AGBL4: variants seen among roughly 807,000 people sequenced by gnomAD.
AGBL4 encodes cytosolic carboxypeptidase 6.
AGBL4 carries 58 observed loss-of-function variants against 66.4 expected under a neutral mutation model. The ratio of observed to expected loss-of-function variants is 0.87; its 90% CI spans 0.71 to 1.09. The LOEUF is 1.09. Among genes scored for constraint, AGBL4 ranks in the 50% least tolerant of loss-of-function variants. The probability of loss-of-function intolerance (pLI) is 0.00; values close to 1 mark genes in which losing one functional copy is unlikely to be tolerated. For synonymous variants in AGBL4, 234 were observed against 222.9 expected, an observed-to-expected ratio of 1.05 and a Z score of -0.44; for missense variants, 579 against 631.0, an observed-to-expected ratio of 0.92 and a Z score of 0.88.
intron 3 of AGBL4, among the ~76,000 whole-genome samples, chr1:49,335,514 T>C (rs1196998418): frequency 6.7e-6 from 1 of 149,002 alleles, no homozygotes; most frequent in Non-Finnish European, 1.5e-5. Flanking sequence ...AAATCTGAAC[T>C]TTTTTTTTTC....
chr1:49,318,563 T>C (rs1444128156), intron 3 of AGBL4, among the ~76,000 whole-genome samples: 2 of 152,070 alleles, frequency 1.3e-5, no homozygotes, highest in Non-Finnish European at 2.9e-5. Flanking sequence ...TTTAGAGAAT[T>C]CCTTTAAAAG....
chr1:48,880,541 C>T (rs1440434622), intron 5 of AGBL4, among the ~76,000 whole-genome samples: 1 of 152,170 alleles, frequency 6.6e-6, no homozygotes, highest in Non-Finnish European at 1.5e-5. Context: ...GGAATGTCCA[C>T]ACTGTTTTCC....
intron 3 of AGBL4, among the ~76,000 whole-genome samples, chr1:49,284,258 T>C (rs1206016423): frequency 1.3e-5 from 2 of 152,168 alleles, no homozygotes; most frequent in East Asian, 1.9e-4. Context: ...CAGAATTTCA[T>C]ATCCAGCCAA....
At chr1:49,301,265 T>C (rs1644740193) in intron 3 of AGBL4, among the ~76,000 whole-genome samples, 1 of 152,180 alleles carries the variant, frequency 6.6e-6, no homozygotes, top group Non-Finnish European at 1.5e-5. Flanking sequence ...GGCAGTTAGT[T>C]CTTCAATGCA....
chr1:48,736,509 C>T lies in AGBL4; in HGVS notation c.635-73268G>A. 1.4e-6 allele frequency: 2 copies of T among 1,445,954 alleles called. No individual in the cohort carries two copies. The highest frequency in any genetic ancestry group is 1.9e-6 in the Non-Finnish European group (2 of 1,034,214). The allele number at this position is 1,445,954 out of a possible 1,614,324, so 89.6% of individuals were successfully genotyped here. ...AGTCCGACAGGAGGGCAGTGGGAGG[C>T]TTCTCTTGTCCTTTAAAAAGCATTG... On this transcript the variant is annotated intron_variant, in intron 6 of 13. Coordinates refer to ENST00000371839, the MANE Select transcript of AGBL4 (RefSeq NM_032785.4). The surrounding 1 kb of genome is among the most constrained non-coding windows in gnomAD (Gnocchi z 4.0).
intron 1 of AGBL4, among the ~76,000 whole-genome samples, chr1:49,918,104 T>C (rs761703836): frequency 2.6e-5 from 4 of 152,200 alleles, no homozygotes; most frequent in Non-Finnish European, 2.9e-5. Flanking sequence ...GGGTAATTTA[T>C]AGCACGAAAT....
chr1:49,823,600 G>T (rs1162105496), intron 2 of AGBL4, among the ~76,000 whole-genome samples: 1 of 152,136 alleles, frequency 6.6e-6, no homozygotes, highest in East Asian at 1.9e-4. Flanking sequence ...GTCCCAAGCT[G>T]CTGAAGACAA....
intron 2 of AGBL4, among the ~76,000 whole-genome samples, chr1:49,802,436 C>A (rs539852416): frequency 1.0e-3 from 159 of 152,278 alleles, no homozygotes; most frequent in Non-Finnish European, 2.0e-3. Flanking sequence ...GCTTTTGCTG[C>A]AACTGTTACT....
intron 4 of AGBL4, among the ~76,000 whole-genome samples, chr1:49,171,064 T>C (rs1203754297): frequency 6.6e-6 from 1 of 152,102 alleles, no homozygotes; most frequent in Non-Finnish European, 1.5e-5. Context: ...GCCTGGGAAA[T>C]AGATTCCACA....
At chr1:49,453,194 A>G (rs1646316947) in intron 3 of AGBL4, among the ~76,000 whole-genome samples, 2 of 151,954 alleles carry the variant, frequency 1.3e-5, no homozygotes, top group Admixed American at 6.6e-5. Context: ...TAACCATACA[A>G]TGTCACCATT....
Position 49,938,811 on chromosome 1 carries a change from ACT to A in AGBL4, c.34+84950_34+84951del, listed in dbSNP as rs563902806. On this transcript the variant is annotated intron_variant, in intron 1 of 13. Coordinates refer to ENST00000371839, the MANE Select transcript of AGBL4 (RefSeq NM_032785.4). ...AATTCAACAACGCTTCGTGCTAAAA[ACT>A]CTCAATAAATTCAACATAGTGTTGG... Among the ~76,000 whole-genome samples the A allele has an allele frequency of 2.9e-3, 434 of 152,156 alleles. 2 individuals are homozygous for A. The highest frequency in any genetic ancestry group is 0.01 in the Middle Eastern group (3 of 294).
chr1:49,464,527 A>T (rs1195981958), intron 3 of AGBL4, among the ~76,000 whole-genome samples: 1 of 151,766 alleles, frequency 6.6e-6, no homozygotes. Context: ...AACAAAACCA[A>T]GCCCAAAATG....
chr1:48,855,515 T>G (rs901189508), intron 6 of AGBL4, among the ~76,000 whole-genome samples: 4 of 152,204 alleles, frequency 2.6e-5, no homozygotes, highest in Non-Finnish European at 5.9e-5. Context: ...ATGGAGTTTT[T>G]TGGGGGATGG....
chr1:49,697,302 A>T lies in AGBL4; in HGVS notation c.282+11T>A. On this transcript the variant is annotated intron_variant, in intron 3 of 13. Transcript: ENST00000371839. ...CAAAACCACTCTGAAGGTATCCACT[A>T]TTTCCCTCACCTGTGATTCTTTCAC... 6.5e-7 allele frequency: 1 copy of T among 1,544,138 alleles called. No individual in the cohort carries two copies. The highest frequency in any genetic ancestry group is 8.8e-7 in the Non-Finnish European group (1 of 1,141,358).
chr1:48,710,614 G>C (rs375558662), intron 6 of AGBL4, among the ~76,000 whole-genome samples: 16 of 152,264 alleles, frequency 1.1e-4, no homozygotes, highest in African/African-American at 3.9e-4. Flanking sequence ...TGGTTAGACT[G>C]GATTTAAGGG....
intron 3 of AGBL4, among the ~76,000 whole-genome samples, chr1:49,693,603 G>T (rs1031552603): frequency 5.3e-5 from 8 of 152,094 alleles, no homozygotes; most frequent in East Asian, 3.9e-4. Context: ...TGTAATTTTT[G>T]TGTGTGTGGG....
At chr1:49,823,924 G>A (rs1645436558) in intron 2 of AGBL4, among the ~76,000 whole-genome samples, 2 of 151,964 alleles carry the variant, frequency 1.3e-5, no homozygotes, top group South Asian at 4.2e-4. Flanking sequence ...TAAAAGACCA[G>A]GTGAGGCCAG....
At position 49,146,874 on chromosome 1, in the gene AGBL4, C is replaced by A. The variant is rs560442644; in HGVS notation, c.377+98896G>T. Among the ~76,000 whole-genome samples the A allele has an allele frequency of 3.3e-5, 5 of 152,350 alleles. No individual in the cohort carries two copies. In the South Asian group the frequency reaches 1.0e-3, roughly 32 times the overall value. ...CAAACATCTGATTATGAAGGCACAG[C>A]CTGGTAGCAGTGAGCAGCCAGGGAG... On this transcript the variant is annotated intron_variant, in intron 4 of 13. Transcript: ENST00000371839.
At chr1:49,674,111 A>T (rs1246423497) in intron 3 of AGBL4, among the ~76,000 whole-genome samples, 1 of 152,114 alleles carries the variant, frequency 6.6e-6, no homozygotes, top group Non-Finnish European at 1.5e-5. Flanking sequence ...GTCGGAAAAA[A>T]AGGCAAGCTC....
Sources: gnomAD v4.1 joint callset for allele counts (sites outside exome capture counted in the v4.1 genomes callset) on GRCh38, gnomAD v4.1.1 for gene constraint, Gnocchi (gnomAD v3.1) non-coding constraint, MANE v1.5 for transcripts, NCBI Gene and HGNC (gene_info 2026-07-23, HGNC 2026-07-21) for gene names.